Variants in SLC4A7 observed in about 807,000 individuals in gnomAD.
SLC4A7 encodes the protein solute carrier family 4 member 7.
A neutral mutation model predicts 137.6 loss-of-function variants in SLC4A7; 51 were observed. The observed-to-expected ratio is 0.37, with a 90% CI of 0.30 to 0.47. The LOEUF is 0.47. Ranked by LOEUF, SLC4A7 falls within the 20% of genes least tolerant of loss-of-function variation. The probability of loss-of-function intolerance (pLI) is 1.00; values close to 1 mark genes in which losing one functional copy is unlikely to be tolerated. For missense variants in SLC4A7, 1,247 were observed against 1,525.4 expected (o/e 0.82, Z 3.04); for synonymous variants, 542 against 518.6 (o/e 1.05, Z -0.61).
At chr3:27,450,318 AG>A (rs911516331) in intron 2 of SLC4A7, among the ~76,000 whole-genome samples, 3 of 152,204 alleles carry the variant, frequency 2.0e-5, no homozygotes, top group African/African-American at 7.2e-5. Context: ...CTAATTATAC[AG>A]GGTTTATTTT....
intron 3 of SLC4A7, among the ~76,000 whole-genome samples, chr3:27,446,122 G>GTA (rs1559789074): frequency 2.7e-5 from 4 of 149,594 alleles, no homozygotes; most frequent in Non-Finnish European, 4.4e-5. Flanking sequence ...AACTATGTGT[G>GTA]TGTGTATATA....
In SLC4A7 at chr3:27,484,313, G is replaced by C. The variant is rs1242058287; in HGVS notation, c.-187C>G. ...GGCGCGGGAGACGCGGGGCGTGCGTGTGCGCGCTGCGACTGCTGGGCTGGC... is the reference window on the plus strand; with the variant it reads ...GGCGCGGGAGACGCGGGGCGTGCGTCTGCGCGCTGCGACTGCTGGGCTGGC... On this transcript the variant is annotated 5_prime_UTR_variant, in exon 1 of 26. Transcript: ENST00000454389. 2 of 371,922 alleles carry C rather than the reference G, an allele frequency of 5.4e-6. No homozygotes were observed. Among genetic ancestry groups the C allele is most frequent in the Non-Finnish European group, 9.3e-6 (2 of 215,242 alleles). The allele number at this position is 371,922 out of a possible 1,614,324, so 23.0% of individuals were successfully genotyped here.
chr3:27,381,232 C>A (rs2050384965), intron 24 of SLC4A7, among the ~76,000 whole-genome samples: 1 of 152,134 alleles, frequency 6.6e-6, no homozygotes, highest in Non-Finnish European at 1.5e-5. Flanking sequence ...TTTTCTTTAT[C>A]AGACTATAGA....
chr3:27,422,749 G>C (rs2055118980), intron 8 of SLC4A7: 1 of 455,238 alleles, frequency 2.2e-6, no homozygotes, highest in Non-Finnish European at 4.4e-6. Flanking sequence ...CCACTTACAG[G>C]GCTATCTATG....
At chr3:27,400,733 T>G (rs1442257377) in intron 16 of SLC4A7, 31 bp downstream of exon 16, 10 of 1,321,956 alleles carry the variant, frequency 7.6e-6, no homozygotes, top group Non-Finnish European at 1.1e-5. Flanking sequence ...CAATATCTAT[T>G]ACAAAACCCT....
rs780425649 is a variant in SLC4A7, at chr3:27,394,608, G to A, written c.3027C>T (p.Pro1009=). The change falls in exon 20 of 26, where the codon CCC becomes CCT. Residue 1009 remains proline (P), a synonymous_variant. Coordinates refer to ENST00000454389, the MANE Select transcript of SLC4A7 (RefSeq NM_001321103.2). ...GCTGTTCACGAATTCCCAAAAACTT[G>A]GGTTGTTCCCCTGGAGCAGAACATT... ...ESECSAPGEQ[P]KFLGIREQRV... is the part of the protein sequence containing the mutation. The A allele has an allele frequency of 2.5e-6, 4 of 1,614,056 alleles. No homozygotes were observed. Among genetic ancestry groups the A allele is most frequent in the Non-Finnish European group, 3.4e-6 (4 of 1,179,980 alleles).
At chr3:27,471,623 C>A (rs1318505401) in intron 1 of SLC4A7, among the ~76,000 whole-genome samples, 1 of 152,162 alleles carries the variant, frequency 6.6e-6, no homozygotes, top group African/African-American at 2.4e-5. Context: ...CCGCCCACCT[C>A]GGCCTCCCAA....
At chr3:27,384,831 C>T (rs1002028351) in intron 23 of SLC4A7, among the ~76,000 whole-genome samples, 10 of 151,840 alleles carry the variant, frequency 6.6e-5, no homozygotes, top group African/African-American at 2.4e-4. Flanking sequence ...AGTTTGGTGG[C>T]GGGTGCCTGT....
At chr3:27,474,342 A>C (rs1273342823) in intron 1 of SLC4A7, among the ~76,000 whole-genome samples, 1 of 152,206 alleles carries the variant, frequency 6.6e-6, no homozygotes, top group African/African-American at 2.4e-5. Context: ...AGTTAAACAC[A>C]AGGTAAGTTT....
chr3:27,400,744 T>C lies in SLC4A7; in HGVS notation c.2427+20A>G, dbSNP rs779180300. The C allele has an allele frequency of 1.4e-6, 2 of 1,432,116 alleles. No homozygotes were observed. The highest frequency in any genetic ancestry group is 4.5e-5 in the East Asian group (2 of 44,026). The allele number at this position is 1,432,116 out of a possible 1,614,324, so 88.7% of individuals were successfully genotyped here. A position where few individuals can be genotyped will look rare whatever the true frequency, so the allele number is the denominator to read the frequency against. On this transcript the variant is annotated intron_variant, in intron 16 of 25. Transcript: ENST00000454389. ...AGATCAATATCTATTACAAAACCCTTTATTTCAAAATATACTCACAGAAAC... is the reference window on the plus strand; with the variant it reads ...AGATCAATATCTATTACAAAACCCTCTATTTCAAAATATACTCACAGAAAC...
intron 17 of SLC4A7, 33 bp from the exon 18 acceptor site, chr3:27,397,830 A>G (rs2052349672): frequency 8.4e-7 from 1 of 1,183,846 alleles, no homozygotes; most frequent in Admixed American, 2.0e-5. Context: ...ATATAAACAC[A>G]GAAATACTAT....
intron 24 of SLC4A7, among the ~76,000 whole-genome samples, chr3:27,381,790 T>C (rs1368012145): frequency 6.6e-6 from 1 of 152,174 alleles, no homozygotes; most frequent in Non-Finnish European, 1.5e-5. Context: ...GGAATAGATG[T>C]GTAGAAATAG....
rs1304385945 is a variant in SLC4A7 at position 27,460,018 on chromosome 3, T to C, written c.61-7520A>G. Among the ~76,000 whole-genome samples the C allele has an allele frequency of 2.1e-5, 3 of 144,312 alleles. No homozygotes were observed. In the East Asian group the frequency reaches 5.9e-4, roughly 28 times the overall value. The allele number at this position is 144,312 out of a possible 152,430, so 94.7% of individuals were successfully genotyped here. On this transcript the variant is annotated intron_variant, in intron 1 of 25. Coordinates refer to ENST00000454389, the MANE Select transcript of SLC4A7 (RefSeq NM_001321103.2). Reference sequence around the variant, plus strand: ...ACACACACACACACACACGTGTATATATACACATATATATATATAATTTTT... The same window carrying C: ...ACACACACACACACACACGTGTATACATACACATATATATATATAATTTTT...
intron 3 of SLC4A7, among the ~76,000 whole-genome samples, chr3:27,442,639 G>A (rs2057290443): frequency 6.6e-6 from 1 of 152,036 alleles, no homozygotes. Context: ...TTAAACCCCT[G>A]AGCTCAAGCA....
At chr3:27,429,252 G>A (rs371468678) in intron 7 of SLC4A7, among the ~76,000 whole-genome samples, 11 of 151,828 alleles carry the variant, frequency 7.2e-5, no homozygotes, top group East Asian at 1.9e-4. Context: ...GCGACAAAGC[G>A]AGACTCTCCA....
At chr3:27,398,423 A>G in intron 16 of SLC4A7, 70 bp from the exon 17 acceptor site, 1 of 1,340,872 alleles carries the variant, frequency 7.5e-7, no homozygotes, top group South Asian at 1.5e-5. Flanking sequence ...TATGAGCTTC[A>G]TTGACTCGTA....
chr3:27,404,715 A>G (rs1412301868), intron 14 of SLC4A7, 115 bp downstream of exon 14: 2 of 782,856 alleles, frequency 2.6e-6, no homozygotes, highest in Non-Finnish European at 4.0e-6. Context: ...GCTCAAAAAT[A>G]ATGAGAATGC....
At chr3:27,405,813 A>C (rs550440510) in intron 13 of SLC4A7, among the ~76,000 whole-genome samples, 1 of 151,624 alleles carries the variant, frequency 6.6e-6, no homozygotes, top group Non-Finnish European at 1.5e-5. Context: ...AAGTATCACT[A>C]AAGTTTGGCA....
Position 27,400,856 on chromosome 3 carries a change from C to T in SLC4A7, c.2335G>A (p.Glu779Lys), listed in dbSNP as rs1395052724. 5.1e-6 allele frequency: 8 copies of T among 1,575,470 alleles called. No homozygotes were observed. The highest frequency in any genetic ancestry group is 7.0e-6 in the Non-Finnish European group (8 of 1,144,944). ...GTTTCATTGCTGGGGTTTGGAGGTTCAGTACATACACATCTGAGAAATTAG... is the reference window on the plus strand; with the variant it reads ...GTTTCATTGCTGGGGTTTGGAGGTTTAGTACATACACATCTGAGAAATTAG... ...KLTSYSCVCTEPPNPSNETLA... is the reference protein window; with the variant it reads ...KLTSYSCVCTKPPNPSNETLA... The change falls in exon 16 of 26, where the codon GAA becomes AAA. Residue 779 changes from glutamate (E) to lysine (K), a missense_variant. By Grantham distance (56) the Glu-to-Lys change is moderately conservative. Around this residue, in one of 6 missense-constraint regions of SLC4A7, gnomAD observed 499 missense variants for 664.2 expected, o/e 0.75. Coordinates refer to ENST00000454389, the MANE Select transcript of SLC4A7 (RefSeq NM_001321103.2).
Sources: gnomAD v4.1 joint callset for allele counts (sites outside exome capture counted in the v4.1 genomes callset) on GRCh38, gnomAD v4.1.1 for gene constraint, gnomAD v4.1.1 regional missense constraint, MANE v1.5 for transcripts, NCBI Gene and HGNC (gene_info 2026-07-23, HGNC 2026-07-21) for gene names.